Variants in NDUFA8 observed in about 807,000 individuals in gnomAD.
NDUFA8 encodes NADH:ubiquinone oxidoreductase subunit A8, also known as NADH dehydrogenase [ubiquinone] 1 alpha subcomplex subunit 8.
Under a neutral mutation model 20.9 loss-of-function variants are expected in NDUFA8, and 16 were observed. The ratio of observed to expected loss-of-function variants is 0.77; its 90% CI spans 0.52 to 1.16. The LOEUF is 1.16. Ranked by LOEUF, NDUFA8 falls within the 50% of genes most tolerant of loss-of-function variation. The pLI, the probability that NDUFA8 is intolerant of heterozygous loss-of-function variation, is 0.00. For missense variants in NDUFA8, 202 were observed against 216.4 expected (o/e 0.93, Z 0.42); for synonymous variants, 70 against 76.1 (o/e 0.92, Z 0.41).
chr9:122,157,950 G>A (rs1829100168), intron 1 of NDUFA8, among the ~76,000 whole-genome samples: 1 of 152,114 alleles, frequency 6.6e-6, no homozygotes. Flanking sequence ...TCAGGAGATC[G>A]AAACCATCCT....
intron 2 of NDUFA8, among the ~76,000 whole-genome samples, chr9:122,150,159 A>T (rs1008847088): frequency 6.6e-6 from 1 of 152,140 alleles, no homozygotes; most frequent in Non-Finnish European, 1.5e-5. Context: ...ACGGTGGCTC[A>T]CGCTTGTAAT....
At chr9:122,146,190 C>T (rs1339609566) in intron 3 of NDUFA8, among the ~76,000 whole-genome samples, 1 of 152,084 alleles carries the variant, frequency 6.6e-6, no homozygotes, top group Admixed American at 6.5e-5. Flanking sequence ...GTCCTGAACT[C>T]GTGAGCTCAA....
chr9:122,154,471 C>G (rs935920921), intron 1 of NDUFA8, among the ~76,000 whole-genome samples: 1 of 152,168 alleles, frequency 6.6e-6, no homozygotes, highest in Non-Finnish European at 1.5e-5. Flanking sequence ...TTGATACTAT[C>G]TAAATAGGAT....
At chr9:122,152,760 C>G (rs1829024861) in intron 1 of NDUFA8, among the ~76,000 whole-genome samples, 1 of 152,056 alleles carries the variant, frequency 6.6e-6, no homozygotes, top group Non-Finnish European at 1.5e-5. Flanking sequence ...ACGCAAAGCT[C>G]TTTCACATAT....
At chr9:122,153,241 G>A (rs998128670) in intron 1 of NDUFA8, among the ~76,000 whole-genome samples, 6 of 150,872 alleles carry the variant, frequency 4.0e-5, no homozygotes, top group African/African-American at 7.3e-5. Flanking sequence ...CACTCCAGCC[G>A]GGGTGACAGA....
downstream of NDUFA8, among the ~76,000 whole-genome samples, chr9:122,140,018 G>C (rs1431469255): frequency 6.6e-6 from 1 of 152,182 alleles, no homozygotes; most frequent in South Asian, 2.1e-4. Flanking sequence ...CCAAATCTCT[G>C]GGGGTGAGAT....
chr9:122,146,653 C>T (rs557502909), intron 3 of NDUFA8, among the ~76,000 whole-genome samples: 43 of 152,192 alleles, frequency 2.8e-4, no homozygotes, highest in Non-Finnish European at 5.4e-4. Flanking sequence ...TCCCATCACA[C>T]TGGGAGGCTA....
downstream of NDUFA8, among the ~76,000 whole-genome samples, chr9:122,139,380 C>A (rs566268739): frequency 6.6e-6 from 1 of 152,106 alleles, no homozygotes; most frequent in East Asian, 1.9e-4. Context: ...TTATATTAAC[C>A]CTGTTTGGTT....
the NDUFA8 span, among the ~76,000 whole-genome samples, chr9:122,136,275 A>G: frequency 6.6e-6 from 1 of 152,224 alleles, no homozygotes; most frequent in African/African-American, 2.4e-5. Context: ...GGAATGGTAC[A>G]CACATTATAT....
chr9:122,147,012 C>T (rs1828914601), intron 3 of NDUFA8, among the ~76,000 whole-genome samples: 1 of 152,198 alleles, frequency 6.6e-6, no homozygotes, highest in Admixed American at 6.5e-5. Flanking sequence ...GGAGAAGATG[C>T]TTTATCTCAC....
At chr9:122,143,282 G>A (rs543306623), downstream of NDUFA8, among the ~76,000 whole-genome samples, 27 of 152,246 alleles carry the variant, frequency 1.8e-4, no homozygotes, top group Middle Eastern at 3.4e-3. Context: ...AGACTTATGC[G>A]GGGTCATACG....
In NDUFA8 at chr9:122,156,384, A is replaced by G. The variant is rs562103301; in HGVS notation, c.51+3243T>C. On this transcript the variant is annotated intron_variant, in intron 1 of 3. Transcript: ENST00000373768. ...TTAAACTACGTCTGTACCTCTTTTTATAGTACTTTATTTATACCATGCCTT... is the reference window on the plus strand; with the variant it reads ...TTAAACTACGTCTGTACCTCTTTTTGTAGTACTTTATTTATACCATGCCTT... 1.2e-4 allele frequency among the ~76,000 whole-genome samples: 18 copies of G among 152,310 alleles called. No individual in the cohort carries two copies. The South Asian group carries it at 3.5e-3, about 30-fold the overall frequency.
chr9:122,143,760 T>C (rs4147659), downstream of NDUFA8, among the ~76,000 whole-genome samples: 48,084 of 152,200 alleles, frequency 0.32, 11,247 homozygotes, highest in African/African-American at 0.66. Flanking sequence ...ACTTCTATCC[T>C]GGAGGCTCCC....
intron 2 of NDUFA8, among the ~76,000 whole-genome samples, chr9:122,150,388 G>C: frequency 7.3e-6 from 1 of 137,658 alleles, no homozygotes; most frequent in Non-Finnish European, 1.5e-5. Flanking sequence ...TCCAGCCTGG[G>C]CGACAGAGTG....
rs1828868683 is a variant in NDUFA8, at chr9:122,144,343, C to A, written c.417G>T (p.Glu139Asp). 1 of 1,614,136 alleles carries A rather than the reference C, an allele frequency of 6.2e-7. No homozygotes were observed. The highest frequency in any genetic ancestry group is 2.2e-5 in the East Asian group (1 of 44,886). ...GTCTTGGTCTTGAGTGATAGGGATT[C>A]TCCGGTAAAGGTCGATCTGTTTTCA... ...TKVKTDRPLP[E>D]NPYHSRPRPD... Residue 139 changes from glutamate (E) to aspartate (D), a missense_variant, in exon 4 of 4, where the codon GAG (glutamate) becomes GAT (aspartate). Transcript: ENST00000373768.
chr9:122,145,422 T>C (rs556765189), intron 3 of NDUFA8, among the ~76,000 whole-genome samples: 2 of 152,254 alleles, frequency 1.3e-5, no homozygotes, highest in African/African-American at 4.8e-5. Flanking sequence ...ATTTTAAAGA[T>C]AAAGAAATAG....
chr9:122,152,434 G>T, intron 1 of NDUFA8, 26 bp from the exon 2 acceptor site: 1 of 1,612,530 alleles, frequency 6.2e-7, no homozygotes, highest in Non-Finnish European at 8.5e-7. Flanking sequence ...TGGGACAAAG[G>T]CCACAGACTG....
chr9:122,134,394 T>G, the NDUFA8 span, among the ~76,000 whole-genome samples: 4 of 152,190 alleles, frequency 2.6e-5, no homozygotes, highest in African/African-American at 9.7e-5. Context: ...AGCATCAGCT[T>G]CTTCATCCAT....
Position 122,159,773 on chromosome 9 carries a change from TGC to T in NDUFA8, c.-98_-97del. ...CGACCGCCGAGTGCCACACGGCGCCTGCGCATGCGCATCCGGCAACACGCAGG... is the reference window on the plus strand; with the variant it reads ...CGACCGCCGAGTGCCACACGGCGCCTGCATGCGCATCCGGCAACACGCAGG... On this transcript the variant is annotated 5_prime_UTR_variant, in exon 1 of 4. The change abolishes the stop of an existing upstream ORF in the 5' untranslated region. Transcript: ENST00000373768. The T allele has an allele frequency of 6.4e-7, 1 of 1,561,806 alleles. No homozygotes were observed.
Sources: gnomAD v4.1 joint callset for allele counts (sites outside exome capture counted in the v4.1 genomes callset) on GRCh38, gnomAD v4.1.1 for gene constraint, MANE v1.5 for transcripts, NCBI Gene and HGNC (gene_info 2026-07-23, HGNC 2026-07-21) for gene names.